The following CFDP1 variants were observed in gnomAD, a reference collection of about 807,000 sequenced individuals.
CFDP1 encodes chromatin remodeling protein CFDP1.
CFDP1 carries 31 observed loss-of-function variants against 40.1 expected under a neutral mutation model. That is an observed-to-expected ratio of 0.77 (90% CI 0.58 to 1.04). The LOEUF (loss-of-function observed/expected upper bound fraction) is 1.04. CFDP1 is among the 50% of genes least tolerant of loss of function. CFDP1 has a pLI of 0.00. For missense variants in CFDP1, 423 were observed against 343.4 expected, an observed-to-expected ratio of 1.23 and a Z score of -1.83; for synonymous variants, 167 against 120.0, an observed-to-expected ratio of 1.39 and a Z score of -2.56.
chr16:75,379,931 A>C (rs2078839398), intron 5 of CFDP1: 1 of 152,238 alleles, frequency 6.6e-6, no homozygotes, highest in African/African-American at 2.4e-5. Context: ...TGAGCCCAGG[A>C]GTTTGAGACC....
intron 5 of CFDP1, among the ~76,000 whole-genome samples, chr16:75,343,680 G>A (rs2078542219): frequency 1.3e-5 from 2 of 152,212 alleles, no homozygotes; most frequent in African/African-American, 4.8e-5. Flanking sequence ...AAACTAGGCA[G>A]TAAGTTTCAG....
chr16:75,331,803 G>A (rs1322989962), intron 5 of CFDP1, among the ~76,000 whole-genome samples: 2 of 152,148 alleles, frequency 1.3e-5, no homozygotes, highest in Non-Finnish European at 2.9e-5. Flanking sequence ...CTTTTGTAGA[G>A]ATGTTTTCAT....
intron 5 of CFDP1, among the ~76,000 whole-genome samples, chr16:75,334,316 G>A (rs903017234): frequency 6.6e-6 from 1 of 151,646 alleles, no homozygotes; most frequent in Non-Finnish European, 1.5e-5. Context: ...TAAAACAACA[G>A]ACGGGTAAAA....
chr16:75,387,363 G>A (rs1030276345), intron 5 of CFDP1, among the ~76,000 whole-genome samples: 1 of 152,062 alleles, frequency 6.6e-6, no homozygotes, highest in South Asian at 2.1e-4. Flanking sequence ...GGATGGTCTC[G>A]ATCTCCTGAC....
intron 1 of CFDP1, among the ~76,000 whole-genome samples, chr16:75,431,212 G>T (rs930224697): frequency 1.3e-5 from 2 of 151,880 alleles, no homozygotes; most frequent in Admixed American, 6.6e-5. Flanking sequence ...AGCACTCAGG[G>T]AGGCCGAGGC....
intron 4 of CFDP1, among the ~76,000 whole-genome samples, chr16:75,410,305 C>T (rs1462039584): frequency 6.6e-6 from 1 of 151,986 alleles, no homozygotes; most frequent in Non-Finnish European, 1.5e-5. Context: ...AGCTCTAAAT[C>T]ACAAATCTGC....
chr16:75,314,860 T>A (rs2078314420), intron 5 of CFDP1, among the ~76,000 whole-genome samples: 1 of 152,160 alleles, frequency 6.6e-6, no homozygotes, highest in Non-Finnish European at 1.5e-5. Context: ...CAAGCAATTC[T>A]CCTGTCTCAG....
At chr16:75,432,498 C>A (rs1408208768) in intron 1 of CFDP1, among the ~76,000 whole-genome samples, 1 of 151,848 alleles carries the variant, frequency 6.6e-6, no homozygotes, top group Admixed American at 6.6e-5. Context: ...TTGCAGTGAG[C>A]CAAGATCGCA....
rs1217459013 is a variant in CFDP1, at chr16:75,433,453, GCA to G, written c.-103_-102del. The G allele has an allele frequency of 1.1e-5, 13 of 1,167,624 alleles. No homozygotes were observed. The African/African-American group carries it at 1.5e-4, about 14-fold the overall frequency. 72.3% of individuals were successfully genotyped at this position (1,167,624 alleles called of 1,614,324 possible). On this transcript the variant is annotated 5_prime_UTR_variant, in exon 1 of 7. An upstream open reading frame in the 5' UTR gains an earlier in-frame stop. Coordinates refer to ENST00000283882, the MANE Select transcript of CFDP1 (RefSeq NM_006324.3). ...CCATAGAGCCCCGGCGGCGGCGACG[GCA>G]GCTAGGGCGGCCCCCGACAGCGCTT...
In CFDP1 at chr16:75,347,210, G is replaced by A. The variant is rs117168566; in HGVS notation, c.651-42028C>T. Among the ~76,000 whole-genome samples the A allele has an allele frequency of 6.5e-4, 98 of 151,724 alleles. 1 individual carries two copies. The East Asian group carries it at 0.018, about 28-fold the overall frequency. ...GTACAAAAAGTCAGCTGGGCATAAT[G>A]GCGGGCGCTTGTAATCCCAGGTACT... On this transcript the variant is annotated intron_variant, in intron 5 of 6. Transcript: ENST00000283882.
intron 5 of CFDP1, among the ~76,000 whole-genome samples, chr16:75,338,294 G>C (rs948139919): frequency 6.6e-6 from 1 of 152,166 alleles, no homozygotes; most frequent in Non-Finnish European, 1.5e-5. Context: ...GTTTCCAGGG[G>C]ACCACTGGGC....
intron 5 of CFDP1, among the ~76,000 whole-genome samples, chr16:75,369,037 C>CATTT (rs2078734689): frequency 6.6e-6 from 1 of 152,050 alleles, no homozygotes; most frequent in South Asian, 2.1e-4. Context: ...AAGACCAAAA[C>CATTT]ATTTATGTGG....
chr16:75,429,833 G>A (rs1277025860), intron 1 of CFDP1, among the ~76,000 whole-genome samples: 2 of 152,182 alleles, frequency 1.3e-5, no homozygotes, highest in Admixed American at 1.3e-4. Context: ...GACGAAAAGA[G>A]TCAAACTCTT....
At chr16:75,328,689 T>A (rs1372974551) in intron 5 of CFDP1, among the ~76,000 whole-genome samples, 1 of 151,478 alleles carries the variant, frequency 6.6e-6, no homozygotes, top group African/African-American at 2.4e-5. Flanking sequence ...GCATAATTTT[T>A]TTTTTTTGAG....
At chr16:75,417,314 C>G (rs932752100) in intron 1 of CFDP1, among the ~76,000 whole-genome samples, 3 of 152,110 alleles carry the variant, frequency 2.0e-5, no homozygotes, top group Admixed American at 6.6e-5. Flanking sequence ...AAATTAGAAA[C>G]AACTCAAGTT....
At chr16:75,318,408 CTT>C (rs11437738) in intron 5 of CFDP1, among the ~76,000 whole-genome samples, 13 of 138,496 alleles carry the variant, frequency 9.4e-5, no homozygotes, top group Non-Finnish European at 1.2e-4. Flanking sequence ...TTCTTTCTTT[CTT>C]TTTTTTTTTT....
At chr16:75,412,799 G>A (rs373687390) in intron 2 of CFDP1, 45 bp from the exon 3 acceptor site, 14 of 1,477,350 alleles carry the variant, frequency 9.5e-6, no homozygotes, top group South Asian at 1.1e-5. Flanking sequence ...AGCACAAAAC[G>A]ATTTCAGTTA....
At chr16:75,393,293 A>G (rs560386028) in intron 5 of CFDP1, among the ~76,000 whole-genome samples, 12 of 152,114 alleles carry the variant, frequency 7.9e-5, no homozygotes, top group East Asian at 5.8e-4. Flanking sequence ...GTACCTCTCT[A>G]TTGGGGCTTC....
intron 1 of CFDP1, among the ~76,000 whole-genome samples, chr16:75,418,306 C>CT (rs60458195): frequency 0.16 from 17,150 of 107,052 alleles, 1,592 homozygotes; most frequent in East Asian, 0.38. Flanking sequence ...AACTCTAACC[C>CT]TTTTTTTTTT....
Sources: gnomAD v4.1 joint callset for allele counts (sites outside exome capture counted in the v4.1 genomes callset) on GRCh38, gnomAD v4.1.1 for gene constraint, MANE v1.5 for transcripts, NCBI Gene and HGNC (gene_info 2026-07-23, HGNC 2026-07-21) for gene names.